SAMSN1: variants seen among roughly 807,000 people sequenced by gnomAD.
The protein encoded by SAMSN1 is SAM domain-containing protein SAMSN-1.
A neutral mutation model predicts 42.0 loss-of-function variants in SAMSN1; 31 were observed. That is an observed-to-expected ratio of 0.74 (90% CI 0.55 to 1.00). SAMSN1 has a LOEUF of 1.00. Among genes scored for constraint, SAMSN1 ranks in the 50% least tolerant of loss-of-function variants. The probability of loss-of-function intolerance (pLI) is 0.00; values close to 1 mark genes in which losing one functional copy is unlikely to be tolerated. For synonymous variants in SAMSN1, 178 were observed against 151.9 expected (o/e 1.17, Z -1.26); for missense variants, 464 against 439.4 (o/e 1.06, Z -0.50).
At chr21:14,546,552 A>T (rs1371391253), upstream of SAMSN1, among the ~76,000 whole-genome samples, 2 of 151,872 alleles carry the variant, frequency 1.3e-5, no homozygotes, top group African/African-American at 4.8e-5. Flanking sequence ...TCAAAACAAA[A>T]CTCATTTTCT....
chr21:14,591,184 AAC>A (rs1280534787), intron 7 of SAMSN1: 2 of 152,214 alleles, frequency 1.3e-5, no homozygotes, highest in Non-Finnish European at 2.9e-5. Context: ...ACTGAACTTA[AAC>A]TAAGATTGGA....
At chr21:14,659,099 G>C (rs1983959689), upstream of SAMSN1, among the ~76,000 whole-genome samples, 1 of 151,880 alleles carries the variant, frequency 6.6e-6, no homozygotes, top group African/African-American at 2.4e-5. Flanking sequence ...AGGCAAACCT[G>C]GAGAAAATAT....
chr21:14,558,831 C>A (rs186002375), intron 2 of SAMSN1, among the ~76,000 whole-genome samples: 39 of 152,262 alleles, frequency 2.6e-4, no homozygotes, highest in African/African-American at 8.7e-4. Context: ...GCTTCAACAT[C>A]TTTTAAGATA....
intron 5 of SAMSN1, among the ~76,000 whole-genome samples, chr21:14,603,401 A>G (rs1982486956): frequency 6.6e-6 from 1 of 152,252 alleles, no homozygotes; most frequent in Non-Finnish European, 1.5e-5. Flanking sequence ...TGATTCACAC[A>G]CAATACTATG....
chr21:14,584,390 CTTGT>C (rs1262792312), upstream of SAMSN1, among the ~76,000 whole-genome samples: 2 of 152,188 alleles, frequency 1.3e-5, no homozygotes, highest in South Asian at 2.1e-4. Flanking sequence ...ATATGTGTCA[CTTGT>C]TTATTATGAC....
At chr21:14,517,907 G>A (rs1274668605) in intron 2 of SAMSN1, among the ~76,000 whole-genome samples, 5 of 151,860 alleles carry the variant, frequency 3.3e-5, no homozygotes, top group Non-Finnish European at 5.9e-5. Flanking sequence ...AGTCTCCCTC[G>A]CTCACTAGAT....
At chr21:14,570,945 A>G (rs1014410504) in intron 2 of SAMSN1, among the ~76,000 whole-genome samples, 4 of 152,154 alleles carry the variant, frequency 2.6e-5, no homozygotes, top group Admixed American at 6.5e-5. Flanking sequence ...CTCCTTCCTC[A>G]GGCTTACCTT....
intron 7 of SAMSN1, among the ~76,000 whole-genome samples, chr21:14,486,793 C>G (rs1003057765): frequency 3.3e-5 from 5 of 152,100 alleles, no homozygotes; most frequent in Non-Finnish European, 5.9e-5. Flanking sequence ...GTCTGTAGTC[C>G]TGAAGAATAA....
chr21:14,531,597 A>G (rs1169635409), intron 1 of SAMSN1, among the ~76,000 whole-genome samples: 2 of 152,182 alleles, frequency 1.3e-5, no homozygotes, highest in Non-Finnish European at 1.5e-5. Flanking sequence ...ATAATTGAGT[A>G]TGCTAACAAA....
At chr21:14,612,729 T>G (rs1027351314) in intron 4 of SAMSN1, 11 of 657,832 alleles carry the variant, frequency 1.7e-5, no homozygotes, top group Non-Finnish European at 2.0e-5. Flanking sequence ...GAAGCCACTT[T>G]TAAAAAATGT....
At chr21:14,528,417 G>T (rs1019313903) in intron 1 of SAMSN1, among the ~76,000 whole-genome samples, 1 of 152,054 alleles carries the variant, frequency 6.6e-6, no homozygotes, top group Non-Finnish European at 1.5e-5. Context: ...TTTTATGCCT[G>T]CCCCAGCCCA....
At chr21:14,536,192 T>G (rs1979603466) in intron 1 of SAMSN1, among the ~76,000 whole-genome samples, 1 of 152,096 alleles carries the variant, frequency 6.6e-6, no homozygotes, top group African/African-American at 2.4e-5. Flanking sequence ...TGGAAACGGA[T>G]ATGTAAAGCA....
At chr21:14,517,939 C>T (rs1238824141) in intron 2 of SAMSN1, among the ~76,000 whole-genome samples, 1 of 152,164 alleles carries the variant, frequency 6.6e-6, no homozygotes. Flanking sequence ...AAAATATGAT[C>T]CCTGGACCAG....
At chr21:14,650,296 A>G (rs185593289) in intron 1 of SAMSN1, among the ~76,000 whole-genome samples, 1 of 152,268 alleles carries the variant, frequency 6.6e-6, no homozygotes, top group Admixed American at 6.5e-5. Context: ...TAAAACAAAA[A>G]AGTCTTAAAA....
chr21:14,633,712 A>G (rs1983388527), intron 2 of SAMSN1, among the ~76,000 whole-genome samples: 2 of 152,140 alleles, frequency 1.3e-5, no homozygotes, highest in East Asian at 3.9e-4. Context: ...GGTGCCCTCT[A>G]TCCTTCAGCC....
In SAMSN1 at chr21:14,579,807, C is replaced by G. The variant is rs576123448; in HGVS notation, c.261+2329G>C. On this transcript the variant is annotated intron_variant, in intron 2 of 8. Coordinates refer to the SAMSN1 transcript ENST00000285670. The stretch of plus-strand genomic sequence containing the variant: ...ACTTCTTCAGATATTTATTGAGGAC[C>G]CATTACATTATAGGAACTATGGAGG... Among the ~76,000 whole-genome samples, 3 of 151,938 alleles carry G rather than the reference C, an allele frequency of 2.0e-5. No homozygotes were observed. In the South Asian group the frequency reaches 6.2e-4, roughly 32 times the overall value.
intron 5 of SAMSN1, chr21:14,609,391 T>G: frequency 1.4e-6 from 1 of 701,098 alleles, no homozygotes; most frequent in Non-Finnish European, 2.6e-6. Flanking sequence ...GGTCTGCTTA[T>G]TTTCATGGTG....
At chr21:14,645,735 T>G (rs182218891) in intron 1 of SAMSN1, among the ~76,000 whole-genome samples, 8 of 152,320 alleles carry the variant, frequency 5.3e-5, no homozygotes, top group African/African-American at 1.9e-4. Flanking sequence ...AATAGATGTG[T>G]TGAGGAAACT....
chr21:14,609,591 T>C (rs767593034), intron 4 of SAMSN1: 2 of 717,558 alleles, frequency 2.8e-6, no homozygotes, highest in African/African-American at 1.7e-5. Flanking sequence ...AGATAATTGG[T>C]TAGCAGAATT....
Sources: gnomAD v4.1 joint callset for allele counts (sites outside exome capture counted in the v4.1 genomes callset) on GRCh38, gnomAD v4.1.1 for gene constraint, MANE v1.5 for transcripts, NCBI Gene and HGNC (gene_info 2026-07-23, HGNC 2026-07-21) for gene names.